RPN2: variants seen among roughly 807,000 people sequenced by gnomAD.
RPN2 encodes the protein ribophorin II.
RPN2 carries 29 observed loss-of-function variants against 71.4 expected under a neutral mutation model. The observed-to-expected ratio is 0.41, with a 90% CI of 0.30 to 0.55. The LOEUF is 0.55. Ranked by LOEUF, RPN2 falls within the 20% of genes least tolerant of loss-of-function variation. The pLI, the probability that RPN2 is intolerant of heterozygous loss-of-function variation, is 0.35. For missense variants in RPN2, 726 were observed against 774.1 expected (o/e 0.94, Z 0.74); for synonymous variants, 308 against 305.0 (o/e 1.01, Z -0.10).
chr20:37,192,927 A>T (rs564207638), intron 2 of RPN2, among the ~76,000 whole-genome samples: 1 of 151,982 alleles, frequency 6.6e-6, no homozygotes, highest in Non-Finnish European at 1.5e-5. Context: ...AGGAGTCTGA[A>T]ACCAGCCTGG....
chr20:37,215,978 C>T (rs113008615), intron 9 of RPN2, among the ~76,000 whole-genome samples: 2,311 of 152,182 alleles, frequency 0.015, 28 homozygotes, highest in Non-Finnish European at 0.023. Flanking sequence ...CAGATATCTT[C>T]CCCTAGAATT....
chr20:37,211,893 A>C (rs1221935773), intron 8 of RPN2, among the ~76,000 whole-genome samples: 1 of 151,908 alleles, frequency 6.6e-6, no homozygotes, highest in Non-Finnish European at 1.5e-5. Flanking sequence ...ACCTGCCACC[A>C]TGCCCGGCTA....
intron 7 of RPN2, among the ~76,000 whole-genome samples, chr20:37,209,175 C>T (rs1188720515): frequency 4.6e-5 from 7 of 152,108 alleles, no homozygotes; most frequent in African/African-American, 1.2e-4. Context: ...CTATCTGTGT[C>T]GTACAATTGA....
intron 9 of RPN2, among the ~76,000 whole-genome samples, chr20:37,219,939 G>T (rs73293718): frequency 6.6e-6 from 1 of 152,276 alleles, no homozygotes; most frequent in East Asian, 1.9e-4. Context: ...CCAGTGCCAC[G>T]CTGTCTTGAT....
intron 1 of RPN2, 49 bp downstream of exon 1, chr20:37,179,418 G>C: frequency 1.3e-5 from 1 of 74,126 alleles, no homozygotes; most frequent in Non-Finnish European, 1.8e-5. Context: ...CCCGCGGGAG[G>C]TTACTAGTCG....
chr20:37,195,035 C>T (rs139960868), intron 2 of RPN2, among the ~76,000 whole-genome samples: 1 of 152,134 alleles, frequency 6.6e-6, no homozygotes, highest in East Asian at 1.9e-4. Flanking sequence ...GTTCTTTGCT[C>T]AAGAGGGTGT....
chr20:37,209,331 A>T (rs1301890720), intron 7 of RPN2, among the ~76,000 whole-genome samples: 1 of 152,072 alleles, frequency 6.6e-6, no homozygotes, highest in Non-Finnish European at 1.5e-5. Flanking sequence ...TTTATTTATT[A>T]ATTTTTTAGT....
intron 9 of RPN2, among the ~76,000 whole-genome samples, chr20:37,221,443 C>T (rs1451140329): frequency 6.6e-6 from 1 of 152,186 alleles, no homozygotes; most frequent in African/African-American, 2.4e-5. Context: ...AATGGTCCTC[C>T]TGCCTCGGCC....
chr20:37,210,698 T>C (rs762453011), intron 8 of RPN2, among the ~76,000 whole-genome samples: 69 of 151,832 alleles, frequency 4.5e-4, no homozygotes, highest in Non-Finnish European at 7.8e-4. Flanking sequence ...GTCCGGCTAA[T>C]TTTTTGTATT....
chr20:37,235,387 G>A (rs1425827698), intron 15 of RPN2, among the ~76,000 whole-genome samples: 5 of 152,162 alleles, frequency 3.3e-5, no homozygotes, highest in Non-Finnish European at 7.3e-5. Context: ...TAGCCCTGAT[G>A]AGGGTGACTG....
At chr20:37,229,812 T>C in intron 12 of RPN2, 161 bp from the exon 13 acceptor site, 1 of 681,488 alleles carries the variant, frequency 1.5e-6, no homozygotes, top group South Asian at 1.6e-5. Context: ...GTTCTTAAAG[T>C]TTTTACTGCC....
chr20:37,213,744 T>A lies in RPN2; in HGVS notation c.987-16T>A, dbSNP rs201354834. 3.2e-6 allele frequency: 5 copies of A among 1,586,910 alleles called. No individual in the cohort carries two copies. The Admixed American group carries it at 8.3e-5, about 26-fold the overall frequency. ...CCTACCTGAGTTCTTGCTAAGCCCA[T>A]TGTCATTCTTAACAGGGATGTTTTT... On this transcript the variant is annotated splice_polypyrimidine_tract_variant and intron_variant, in intron 8 of 16. Transcript: ENST00000237530.
chr20:37,207,578 G>C (rs1230814913), intron 7 of RPN2, 129 bp downstream of exon 7: 3 of 873,978 alleles, frequency 3.4e-6, no homozygotes, highest in Non-Finnish European at 5.7e-6. Flanking sequence ...GGAGGGCAAG[G>C]CTCATTTCCC....
chr20:37,231,810 C>T (rs1249283968), intron 13 of RPN2, among the ~76,000 whole-genome samples: 3 of 152,022 alleles, frequency 2.0e-5, no homozygotes. Flanking sequence ...GTGGAAAGAT[C>T]TGTAGGGAGG....
chr20:37,230,784 A>G (rs906390709), intron 13 of RPN2, among the ~76,000 whole-genome samples: 2 of 152,138 alleles, frequency 1.3e-5, no homozygotes, highest in Admixed American at 6.5e-5. Flanking sequence ...TTGTTTTCAA[A>G]ACTCCTTTTC....
chr20:37,233,182 A>G (rs2068295779), intron 14 of RPN2, among the ~76,000 whole-genome samples: 1 of 152,078 alleles, frequency 6.6e-6, no homozygotes, highest in Admixed American at 6.6e-5. Flanking sequence ...ATGCATTCTA[A>G]CCTGGGTGAC....
At chr20:37,196,664 G>A (rs912194994) in intron 2 of RPN2, among the ~76,000 whole-genome samples, 1 of 152,180 alleles carries the variant, frequency 6.6e-6, no homozygotes, top group Non-Finnish European at 1.5e-5. Flanking sequence ...ACAGGCGTGA[G>A]CCACTGTGCC....
chr20:37,204,901 G>A lies in RPN2; in HGVS notation c.690G>A (p.Glu230=). 1 of 1,614,134 alleles carries A rather than the reference G, an allele frequency of 6.2e-7. No individual in the cohort carries two copies. The highest frequency in any genetic ancestry group is 8.5e-7 in the Non-Finnish European group (1 of 1,180,034). Residue 230 remains glutamate (E), a splice_region_variant and synonymous_variant, in exon 6 of 17, where the codon GAG becomes GAA. Coordinates refer to ENST00000237530, the MANE Select transcript of RPN2 (RefSeq NM_002951.5). ...TGGGGACTGAGCCATCCATTAAGGAGGTACCTATCTAACAATTTTCAGGCA... is the reference window on the plus strand; with the variant it reads ...TGGGGACTGAGCCATCCATTAAGGAAGTACCTATCTAACAATTTTCAGGCA... The part of the protein sequence containing the change: ...DHVGTEPSIK[E]DQVIQLMNAI...
chr20:37,232,226 C>G, intron 13 of RPN2, 70 bp from the exon 14 acceptor site: 1 of 1,577,320 alleles, frequency 6.3e-7, no homozygotes, highest in South Asian at 1.1e-5. Context: ...ATGCTTTGGT[C>G]CCCGGTATAC....
Sources: gnomAD v4.1 joint callset for allele counts (sites outside exome capture counted in the v4.1 genomes callset) on GRCh38, gnomAD v4.1.1 for gene constraint, MANE v1.5 for transcripts, NCBI Gene and HGNC (gene_info 2026-07-23, HGNC 2026-07-21) for gene names.